ADAMTS7: variants seen among roughly 807,000 people sequenced by gnomAD.
ADAMTS7 encodes the protein ADAM metallopeptidase with thrombospondin type 1 motif 7.
In ADAMTS7, 89 loss-of-function variants were observed where a neutral mutation model predicts 172.6. The ratio of observed to expected loss-of-function variants is 0.52; its 90% confidence interval spans 0.43 to 0.61. The LOEUF is 0.61. ADAMTS7 is among the 20% of genes least tolerant of loss of function. The pLI is 0.00. For synonymous variants in ADAMTS7, 885 were observed against 978.4 expected (o/e 0.90, Z 1.78); for missense variants, 1,973 against 2,355.6 (o/e 0.84, Z 3.36).
Position 78,771,926 on chromosome 15 carries a change from G to A in ADAMTS7, c.2132-97C>T. ...TGTCTCTCCCCACTTGCCTCCGCCT[G>A]CTGATGCCAAAGCTTTAAAGTCTGA... On this transcript the variant is annotated intron_variant, in intron 14 of 23. Coordinates refer to ENST00000388820, the MANE Select transcript of ADAMTS7 (RefSeq NM_014272.5). This position sits in a 1 kb window ranked among gnomAD's most constrained non-coding sequence, Gnocchi z 4.9. The A allele has an allele frequency of 6.7e-7, 1 of 1,499,964 alleles. No individual in the cohort carries two copies. Among genetic ancestry groups the A allele is most frequent in the South Asian group, 1.3e-5 (1 of 77,460 alleles). The allele number at this position is 1,499,964 out of a possible 1,614,324, so 92.9% of individuals were successfully genotyped here. A position where few individuals can be genotyped will look rare whatever the true frequency, so the allele number is the denominator to read the frequency against.
chr15:78,786,662 G>A (rs999000304), intron 8 of ADAMTS7, among the ~76,000 whole-genome samples: 2 of 152,186 alleles, frequency 1.3e-5, no homozygotes, highest in African/African-American at 4.8e-5. Context: ...GGTAAGAAAA[G>A]GTAGACAGCC....
Position 78,786,165 on chromosome 15 carries a change from A to C in ADAMTS7, c.1322+2066T>G, listed in dbSNP as rs373895123. Among the ~76,000 whole-genome samples the C allele has an allele frequency of 4.7e-4, 72 of 151,820 alleles. No individual in the cohort carries two copies. In the South Asian group the frequency reaches 0.015, roughly 31 times the overall value. ...GGCTTGTCTCGAACTCCTGACCTCAAGTGATCCACCTGCCTCAGCCTCCCA... is the reference window on the plus strand; with the variant it reads ...GGCTTGTCTCGAACTCCTGACCTCACGTGATCCACCTGCCTCAGCCTCCCA... On this transcript the variant is annotated intron_variant, in intron 8 of 23. Transcript: ENST00000388820.
chr15:78,781,797 C>T (rs985778732), intron 8 of ADAMTS7, among the ~76,000 whole-genome samples: 1 of 152,186 alleles, frequency 6.6e-6, no homozygotes, highest in Non-Finnish European at 1.5e-5. Context: ...ATCTTCAGGC[C>T]ACTTCCCTGG....
At chr15:78,794,403 T>C (rs1225856811) in intron 4 of ADAMTS7, among the ~76,000 whole-genome samples, 2 of 152,224 alleles carry the variant, frequency 1.3e-5, no homozygotes, top group Non-Finnish European at 2.9e-5. Context: ...GCTGGCCATA[T>C]GGGTTCCCAT....
chr15:78,784,657 G>A (rs1163366104), intron 8 of ADAMTS7, among the ~76,000 whole-genome samples: 2 of 152,000 alleles, frequency 1.3e-5, no homozygotes, highest in East Asian at 1.9e-4. Flanking sequence ...GGCATATACT[G>A]TAAAATTTAA....
intron 6 of ADAMTS7, 50 bp downstream of exon 6, chr15:78,790,620 G>C (rs779520827): frequency 1.9e-6 from 3 of 1,604,398 alleles, no homozygotes; most frequent in Admixed American, 3.3e-5. Flanking sequence ...CTGCAGGGCC[G>C]GGAAGCACCT....
chr15:78,770,094 C>T (rs543884712), intron 16 of ADAMTS7, among the ~76,000 whole-genome samples: 12 of 152,010 alleles, frequency 7.9e-5, no homozygotes, highest in African/African-American at 2.4e-4. Flanking sequence ...GCCTGGGAGG[C>T]GGAGGCTGCA....
At chr15:78,804,073 G>A (rs553616609) in intron 1 of ADAMTS7, among the ~76,000 whole-genome samples, 19 of 152,348 alleles carry the variant, frequency 1.2e-4, no homozygotes, top group African/African-American at 4.6e-4. Flanking sequence ...GGGAGGCTCA[G>A]AGAGGTGGAG....
Position 78,800,481 on chromosome 15 carries a change from G to A in ADAMTS7, c.167C>T (p.Ser56Phe), listed in dbSNP as rs752052126. 6.2e-7 allele frequency: 1 copy of A among 1,610,502 alleles called. No individual in the cohort carries two copies. Among genetic ancestry groups the A allele is most frequent in the Admixed American group, 1.7e-5 (1 of 59,736 alleles). Residue 56 changes from serine to phenylalanine, a missense_variant, in exon 2 of 24, where the codon TCC becomes TTC. Ser to Phe is a radical substitution (Grantham distance 155). Coordinates refer to ENST00000388820, the MANE Select transcript of ADAMTS7 (RefSeq NM_014272.5). ...GGGCCACAGCTCGTAGGACAGGAAG[G>A]AGCCCCCCGCGTCGACTCGAACCGG... ...VHPVRVDAGG[S>F]FLSYELWPRA...
At chr15:78,800,955 G>A (rs1326965719) in intron 1 of ADAMTS7, among the ~76,000 whole-genome samples, 3 of 152,186 alleles carry the variant, frequency 2.0e-5, no homozygotes, top group South Asian at 4.2e-4. Context: ...TGGCCAGGCT[G>A]GTCTCAAACT....
chr15:78,798,830 C>T (rs1256403073), intron 2 of ADAMTS7, among the ~76,000 whole-genome samples: 3 of 152,180 alleles, frequency 2.0e-5, no homozygotes, highest in Non-Finnish European at 4.4e-5. Context: ...CCTCGGACTT[C>T]CCCTCATAGG....
rs569200546 is a variant in ADAMTS7 at position 78,759,592 on chromosome 15, G to T, written c.4904-14C>A. On this transcript the variant is annotated splice_polypyrimidine_tract_variant and intron_variant, in intron 23 of 23. Transcript: ENST00000388820. Reference sequence around the variant, plus strand: ...CCCGCTCACAGCCTGGAGTGGGGGGGCAGAGAGGCATCAGAACCAGTAGCT... The same window carrying T: ...CCCGCTCACAGCCTGGAGTGGGGGGTCAGAGAGGCATCAGAACCAGTAGCT... 489 of 1,567,952 alleles carry T rather than the reference G, an allele frequency of 3.1e-4. No individual in the cohort carries two copies. In the African/African-American group the frequency reaches 3.6e-3, roughly 12 times the overall value.
chr15:78,796,510 C>G, intron 4 of ADAMTS7, 80 bp downstream of exon 4: 1 of 1,498,570 alleles, frequency 6.7e-7, no homozygotes, highest in Non-Finnish European at 9.1e-7. Context: ...GCCTGACAGC[C>G]TTCCTGCCCT....
Position 78,762,455 on chromosome 15 carries a change from A to G in ADAMTS7, c.4851T>C (p.Pro1617=). The change falls in exon 23 of 24, where the codon CCT becomes CCC. Residue 1617 remains proline (P), a synonymous_variant. Transcript: ENST00000388820. ...CGGTGCCACACGGCCGGGAGCTCTC[A>G]GGCCAGGCCTCGTGGCCACACTGGT... ...DSDQCGHEAW[P]ESSRPCGTED... 6.4e-7 allele frequency: 1 copy of G among 1,568,260 alleles called. No individual in the cohort carries two copies. The highest frequency in any genetic ancestry group is 8.6e-7 in the Non-Finnish European group (1 of 1,157,338).
chr15:78,759,867 C>G (rs1216871160), intron 23 of ADAMTS7, among the ~76,000 whole-genome samples: 6 of 152,208 alleles, frequency 3.9e-5, no homozygotes, highest in Non-Finnish European at 2.9e-5. Context: ...TGTTAAAGAG[C>G]CTGCCCAGGG....
At chr15:78,810,972 C>T in intron 1 of ADAMTS7, 149 bp downstream of exon 1, 1 of 877,256 alleles carries the variant, frequency 1.1e-6, no homozygotes, top group Non-Finnish European at 1.5e-6. Flanking sequence ...GACTACTGTC[C>T]CCTAATACCC....
Position 78,766,179 on chromosome 15 carries a change from G to T in ADAMTS7, c.3732C>A (p.Ser1244=), listed in dbSNP as rs766203777. 1.2e-6 allele frequency: 2 copies of T among 1,611,652 alleles called. No homozygotes were observed. Among genetic ancestry groups the T allele is most frequent in the African/African-American group, 1.3e-5 (1 of 74,870 alleles). ...GAGAGGAGTGGGTGCTGCCAACAGG[G>T]GACAAAGGGGGCAGCGTGGAGCTGG... ...PRPSSTLPPL[S]PVGSTHSSPS... is the part of the protein sequence containing the mutation. Residue 1244 remains serine (S), a synonymous_variant, in exon 19 of 24, where the codon TCC becomes TCA. Transcript: ENST00000388820.
intron 16 of ADAMTS7, among the ~76,000 whole-genome samples, chr15:78,769,036 A>G (rs1596177180): frequency 6.6e-6 from 1 of 152,094 alleles, no homozygotes; most frequent in Non-Finnish European, 1.5e-5. Flanking sequence ...TTCAGGGCCC[A>G]GTGTGTCCGG....
At chr15:78,792,690 G>C (rs117338136) in intron 4 of ADAMTS7, among the ~76,000 whole-genome samples, 10,509 of 152,270 alleles carry the variant, frequency 0.069, 542 homozygotes, top group Middle Eastern at 0.2. Context: ...GTGCATGCCT[G>C]TAATCCCAGC....
Sources: gnomAD v4.1 joint callset for allele counts (sites outside exome capture counted in the v4.1 genomes callset) on GRCh38, gnomAD v4.1.1 for gene constraint, Gnocchi (gnomAD v3.1) non-coding constraint, MANE v1.5 for transcripts, NCBI Gene and HGNC (gene_info 2026-07-23, HGNC 2026-07-21) for gene names.